The following AOPEP variants were observed in gnomAD, a reference collection of about 807,000 sequenced individuals.
AOPEP encodes the protein aminopeptidase O.
Under a neutral mutation model 98.1 loss-of-function variants are expected in AOPEP, and 77 were observed. The ratio of observed to expected loss-of-function variants is 0.78; its 90% CI spans 0.65 to 0.95. AOPEP has a LOEUF of 0.95. AOPEP is among the 40% of genes least tolerant of loss of function. AOPEP has a pLI of 0.00. For missense variants in AOPEP, 1,024 were observed against 1,024.7 expected (o/e 1.00, Z 0.01); for synonymous variants, 346 against 365.3 (o/e 0.95, Z 0.60).
At chr9:94,818,143 C>T (rs1852114400) in intron 5 of AOPEP, among the ~76,000 whole-genome samples, 1 of 152,182 alleles carries the variant, frequency 6.6e-6, no homozygotes, top group African/African-American at 2.4e-5. Flanking sequence ...ACTGCTGTGT[C>T]CTGTTACTCC....
chr9:94,911,168 GCT>G (rs1185201761), intron 5 of AOPEP, among the ~76,000 whole-genome samples: 1 of 152,188 alleles, frequency 6.6e-6, no homozygotes, highest in Non-Finnish European at 1.5e-5. Flanking sequence ...TTTAAAATGA[GCT>G]CTCCTTTACC....
At chr9:95,109,667 GTTC>G in the AOPEP span, 1 of 152,244 alleles carries the variant, frequency 6.6e-6, no homozygotes, top group East Asian at 1.9e-4. Context: ...TTGCACCCAT[GTTC>G]TTCACCTCAA....
the AOPEP span, chr9:95,114,573 A>T: frequency 1.4e-6 from 2 of 1,470,210 alleles, no homozygotes; most frequent in Non-Finnish European, 1.9e-6. Flanking sequence ...AGGGCAGATG[A>T]GGATCTAGGG....
rs1564084614 is a variant in AOPEP, at chr9:94,760,632, CG to C, written c.797+56del. The C allele has an allele frequency of 1.2e-5, 17 of 1,413,214 alleles. No individual in the cohort carries two copies. The South Asian group carries it at 2.4e-4, about 20-fold the overall frequency. The allele number at this position is 1,413,214 out of a possible 1,614,324, so 87.5% of individuals were successfully genotyped here. A position where few individuals can be genotyped will look rare whatever the true frequency, so the allele number is the denominator to read the frequency against. ...CTGTGCCTGTTAATCTTGTACGCTG[CG>C]GGGATGCTTTCAAACATGAGACCGG... On this transcript the variant is annotated intron_variant, in intron 2 of 16. Transcript: ENST00000375315.
At chr9:95,093,390 C>A in the AOPEP span, among the ~76,000 whole-genome samples, 1 of 152,150 alleles carries the variant, frequency 6.6e-6, no homozygotes, top group Admixed American at 6.5e-5. Context: ...AACAAAAGCA[C>A]CACCACGGTG....
At chr9:94,807,136 T>A (rs1849418314) in intron 5 of AOPEP, among the ~76,000 whole-genome samples, 1 of 152,170 alleles carries the variant, frequency 6.6e-6, no homozygotes, top group Non-Finnish European at 1.5e-5. Flanking sequence ...CCAGGCAAAT[T>A]CCTGGATCAC....
intron 13 of AOPEP, among the ~76,000 whole-genome samples, chr9:95,008,257 C>G (rs74471142): frequency 0.041 from 6,280 of 152,226 alleles, 435 homozygotes; most frequent in African/African-American, 0.14. Context: ...CAGGATTCAG[C>G]CTAGATGAGT....
the AOPEP span, chr9:95,110,395 T>C: frequency 2.9e-6 from 3 of 1,024,148 alleles, no homozygotes; most frequent in Non-Finnish European, 3.5e-6. Context: ...GTACATCTTA[T>C]TACTGTTAAA....
chr9:95,111,072 G>A, the AOPEP span: 13 of 1,495,290 alleles, frequency 8.7e-6, no homozygotes, highest in African/African-American at 4.2e-5. Context: ...GCTGGGGAGC[G>A]AGACAGGGCC....
the AOPEP span, among the ~76,000 whole-genome samples, chr9:95,115,826 C>T: frequency 2.0e-5 from 3 of 152,174 alleles, no homozygotes; most frequent in African/African-American, 7.2e-5. Context: ...ATGTTTATTT[C>T]GCATTTCCTC....
At chr9:95,090,981 G>C (rs2070858975), downstream of AOPEP, among the ~76,000 whole-genome samples, 1 of 152,168 alleles carries the variant, frequency 6.6e-6, no homozygotes, top group Admixed American at 6.5e-5. Flanking sequence ...TGACAAAGGG[G>C]TCCAGGGAGG....
chr9:94,882,902 T>C (rs1227108621), intron 5 of AOPEP, among the ~76,000 whole-genome samples: 1 of 152,260 alleles, frequency 6.6e-6, no homozygotes, highest in South Asian at 2.1e-4. Context: ...GGACCCATAA[T>C]TTTTACGGAT....
chr9:95,005,883 T>C (rs1360991641), intron 13 of AOPEP: 6 of 555,836 alleles, frequency 1.1e-5, no homozygotes, highest in Middle Eastern at 3.4e-4. Flanking sequence ...GTTCCATTAT[T>C]ATTTTAGATC....
At chr9:94,937,769 T>C (rs2056484340) in intron 7 of AOPEP, among the ~76,000 whole-genome samples, 1 of 152,200 alleles carries the variant, frequency 6.6e-6, no homozygotes, top group African/African-American at 2.4e-5. Flanking sequence ...ACTCCTAGGC[T>C]CTCTTCTCTG....
At chr9:94,743,682 T>C (rs1340216799) in intron 1 of AOPEP, among the ~76,000 whole-genome samples, 3 of 152,098 alleles carry the variant, frequency 2.0e-5, no homozygotes, top group African/African-American at 7.2e-5. Flanking sequence ...ATGGCAGTGT[T>C]CCATGGCTGG....
At chr9:95,139,339 AC>A in the AOPEP span, among the ~76,000 whole-genome samples, 2 of 152,204 alleles carry the variant, frequency 1.3e-5, no homozygotes, top group Admixed American at 1.3e-4. Context: ...GCAGGCAGGC[AC>A]TGGCTTCACA....
At chr9:95,072,018 C>T (rs898876368) in intron 14 of AOPEP, among the ~76,000 whole-genome samples, 10 of 152,186 alleles carry the variant, frequency 6.6e-5, no homozygotes, top group African/African-American at 2.4e-4. Context: ...CCGTTGTTCA[C>T]CTTTTGCCTC....
chr9:94,929,284 G>A (rs1023146644), intron 7 of AOPEP, among the ~76,000 whole-genome samples: 4 of 152,158 alleles, frequency 2.6e-5, no homozygotes, highest in Non-Finnish European at 5.9e-5. Flanking sequence ...TCCTCTCCTC[G>A]CCTGTTCTTA....
the AOPEP span, among the ~76,000 whole-genome samples, chr9:95,140,290 T>G: frequency 6.6e-6 from 1 of 152,110 alleles, no homozygotes; most frequent in Non-Finnish European, 1.5e-5. Context: ...CGCTCTCCCC[T>G]GTCCAACAGA....
Sources: allele counts gnomAD v4.1 joint callset (sites outside exome capture counted in the v4.1 genomes callset), GRCh38; gene constraint gnomAD v4.1.1; transcripts MANE v1.5; gene names NCBI Gene and HGNC (gene_info 2026-07-23, HGNC 2026-07-21).